FLT1: variants seen among roughly 807,000 people sequenced by gnomAD.
FLT1 encodes fms related receptor tyrosine kinase 1, also known as vascular endothelial growth factor receptor 1.
FLT1 carries 49 observed loss-of-function variants against 156.3 expected under a neutral mutation model. That is an observed-to-expected ratio of 0.31 (90% CI 0.25 to 0.40). The LOEUF (loss-of-function observed/expected upper bound fraction) is 0.40, where lower values mean the gene tolerates loss of function less well. Ranked by LOEUF, FLT1 falls within the 10% of genes least tolerant of loss-of-function variation. The pLI, the probability that FLT1 is intolerant of heterozygous loss-of-function variation, is 1.00. For synonymous variants in FLT1, 594 were observed against 583.8 expected (o/e 1.02, Z -0.25); for missense variants, 1,322 against 1,637.2 (o/e 0.81, Z 3.32).
At chr13:28,351,825 G>C (rs929352861) in intron 15 of FLT1, among the ~76,000 whole-genome samples, 1 of 152,204 alleles carries the variant, frequency 6.6e-6, no homozygotes, top group Non-Finnish European at 1.5e-5. Context: ...TCCAGGAAAA[G>C]TATAATACAG....
intron 3 of FLT1, among the ~76,000 whole-genome samples, chr13:28,445,583 G>A (rs9579179): frequency 2.0e-5 from 3 of 151,804 alleles, no homozygotes; most frequent in Non-Finnish European, 4.4e-5. Context: ...GATAAATGCC[G>A]GGAAAGACAC....
intron 10 of FLT1, among the ~76,000 whole-genome samples, chr13:28,411,245 C>A (rs189917058): frequency 6.6e-6 from 1 of 151,650 alleles, no homozygotes; most frequent in South Asian, 2.1e-4. Flanking sequence ...CTGGCTGATA[C>A]ATTTTATCAT....
chr13:28,471,822 T>C (rs1369250318), intron 1 of FLT1, among the ~76,000 whole-genome samples: 1 of 152,206 alleles, frequency 6.6e-6, no homozygotes, highest in Non-Finnish European at 1.5e-5. Flanking sequence ...ACTACTGTTT[T>C]CATCAAAGTC....
At chr13:28,427,677 T>C (rs924112012) in intron 9 of FLT1, 75 bp downstream of exon 9, 8 of 1,318,802 alleles carry the variant, frequency 6.1e-6, no homozygotes, top group Non-Finnish European at 8.8e-6. Context: ...GTTGTTACGC[T>C]GATTTTTGAA....
chr13:28,406,758 G>A (rs1304035872), intron 10 of FLT1, among the ~76,000 whole-genome samples: 3 of 152,174 alleles, frequency 2.0e-5, no homozygotes, highest in East Asian at 3.9e-4. Context: ...CAATCCTGCC[G>A]CTTCAGCCTG....
intron 16 of FLT1, among the ~76,000 whole-genome samples, chr13:28,340,845 A>G (rs1872306185): frequency 6.6e-6 from 1 of 151,244 alleles, no homozygotes; most frequent in African/African-American, 2.4e-5. Flanking sequence ...AGAAGCAAAA[A>G]ACGATATGGA....
chr13:28,448,806 A>T (rs187974414), intron 3 of FLT1, among the ~76,000 whole-genome samples: 9 of 152,302 alleles, frequency 5.9e-5, no homozygotes, highest in Admixed American at 1.3e-4. Flanking sequence ...TCTTTCTTAG[A>T]AATGATGATC....
At position 28,396,917 on chromosome 13, in the gene FLT1, T is replaced by C. The variant is rs61763182; in HGVS notation, c.1660+43A>G. The stretch of plus-strand genomic sequence containing the variant: ...AAAGCAAACAAGACTGAAGAGAGAA[T>C]GAAGTCACCAGGCTGTCTCTGGTTA... On this transcript the variant is annotated intron_variant, in intron 12 of 29. Transcript: ENST00000282397. 130 of 1,120,358 alleles carry C rather than the reference T, an allele frequency of 1.2e-4. No homozygotes were observed. In the African/African-American group the frequency reaches 1.8e-3, roughly 16 times the overall value. 69.4% of individuals were successfully genotyped at this position (1,120,358 alleles called of 1,614,324 possible).
chr13:28,398,642 T>G (rs1417065841), intron 11 of FLT1, among the ~76,000 whole-genome samples: 8 of 152,186 alleles, frequency 5.3e-5, no homozygotes, highest in South Asian at 4.1e-4. Flanking sequence ...AGGATCTGCT[T>G]AATTACACCT....
intron 27 of FLT1, among the ~76,000 whole-genome samples, chr13:28,309,270 G>A (rs894546437): frequency 3.9e-5 from 6 of 152,240 alleles, no homozygotes; most frequent in Admixed American, 1.3e-4. Flanking sequence ...GTGCAGGGAA[G>A]TGGTATGACT....
intron 16 of FLT1, among the ~76,000 whole-genome samples, chr13:28,341,722 T>G (rs1327503515): frequency 4.6e-5 from 7 of 152,224 alleles, no homozygotes; most frequent in Admixed American, 4.6e-4. Context: ...TGTTCCTCTT[T>G]GCCTCCCCCA....
At position 28,396,982 on chromosome 13, in the gene FLT1, T is replaced by C. The variant is rs747616135; in HGVS notation, c.1638A>G (p.Arg546=). The stretch of plus-strand genomic sequence containing the variant: ...TACCTGTGATATAAAAGCTTATGTT[T>C]CTTCCCACAGTCCCAACTTTATTGG... The part of the protein sequence containing the change: ...IASNKVGTVG[R]NISFYITDVP... The change falls in exon 12 of 30, where the codon AGA becomes AGG. Residue 546 remains arginine, a synonymous_variant. Transcript: ENST00000282397. 1.2e-6 allele frequency: 2 copies of C among 1,608,736 alleles called. No individual in the cohort carries two copies. The highest frequency in any genetic ancestry group is 1.7e-5 in the Admixed American group (1 of 59,996).
At chr13:28,332,035 G>A (rs1871951482) in intron 18 of FLT1, among the ~76,000 whole-genome samples, 1 of 152,078 alleles carries the variant, frequency 6.6e-6, no homozygotes, top group African/African-American at 2.4e-5. Context: ...AGACCAGCCT[G>A]GGCAAGATGG....
At chr13:28,361,715 T>C (rs1007649939) in intron 14 of FLT1, among the ~76,000 whole-genome samples, 1 of 152,214 alleles carries the variant, frequency 6.6e-6, no homozygotes, top group African/African-American at 2.4e-5. Context: ...ACTTTGCTGA[T>C]TTGATAGATG....
At position 28,439,774 on chromosome 13, in the gene FLT1, A is replaced by G. The variant is rs1156966452; in HGVS notation, c.389-1429T>C. Among the ~76,000 whole-genome samples the G allele has an allele frequency of 6.6e-6, 1 of 152,214 alleles. No individual in the cohort carries two copies. Among genetic ancestry groups the G allele is most frequent in the African/African-American group, 2.4e-5 (1 of 41,458 alleles). Reference sequence around the variant, plus strand: ...AGAATGCCAAGGATTGCGGGCAACCACCAGCATGTAGGAAGAGGCGAGGGA... The same window carrying G: ...AGAATGCCAAGGATTGCGGGCAACCGCCAGCATGTAGGAAGAGGCGAGGGA... On this transcript the variant is annotated intron_variant, in intron 3 of 29. Transcript: ENST00000282397. This position sits in a 1 kb window ranked among gnomAD's most constrained non-coding sequence, Gnocchi z 4.1.
At chr13:28,323,806 C>T (rs545341650) in intron 20 of FLT1, among the ~76,000 whole-genome samples, 19 of 152,166 alleles carry the variant, frequency 1.2e-4, no homozygotes, top group African/African-American at 4.3e-4. Context: ...CTCTGTAATC[C>T]CTAGGAGGAG....
At chr13:28,467,937 A>G (rs1405784754) in intron 1 of FLT1, among the ~76,000 whole-genome samples, 1 of 152,234 alleles carries the variant, frequency 6.6e-6, no homozygotes, top group African/African-American at 2.4e-5. Context: ...ATAACTAGTT[A>G]TAATATTCAA....
At chr13:28,326,566 C>G (rs1655237103) in intron 20 of FLT1, among the ~76,000 whole-genome samples, 1 of 146,814 alleles carries the variant, frequency 6.8e-6, no homozygotes, top group African/African-American at 2.6e-5. Flanking sequence ...CACTCTGTTG[C>G]CCAGGCTGGA....
chr13:28,422,611 C>A (rs1877075838), intron 10 of FLT1, among the ~76,000 whole-genome samples: 1 of 152,010 alleles, frequency 6.6e-6, no homozygotes, highest in South Asian at 2.1e-4. Flanking sequence ...CTCTAGACAC[C>A]CATGGAGGAG....
Sources: allele counts gnomAD v4.1 joint callset (sites outside exome capture counted in the v4.1 genomes callset), GRCh38; gene constraint gnomAD v4.1.1; non-coding constraint Gnocchi (gnomAD v3.1); transcripts MANE v1.5; gene names NCBI Gene and HGNC (gene_info 2026-07-23, HGNC 2026-07-21).